The following LDB2 variants were observed in gnomAD, a reference collection of about 807,000 sequenced individuals.
LDB2 encodes the protein LIM domain binding 2, also known as LIM domain-binding protein 2.
In LDB2, 12 loss-of-function variants were observed where a neutral mutation model predicts 44.3. That is an observed-to-expected ratio of 0.27 (90% CI 0.17 to 0.44). The LOEUF (loss-of-function observed/expected upper bound fraction) is 0.44. Ranked by LOEUF, LDB2 falls within the 20% of genes least tolerant of loss-of-function variation. LDB2 has a pLI of 1.00. For synonymous variants in LDB2, 164 were observed against 174.8 expected (o/e 0.94, Z 0.49); for missense variants, 344 against 473.5 (o/e 0.73, Z 2.54).
intron 2 of LDB2, among the ~76,000 whole-genome samples, chr4:16,599,752 C>G (rs115540983): frequency 2.2e-4 from 34 of 152,314 alleles, no homozygotes; most frequent in African/African-American, 7.9e-4. Flanking sequence ...AGAAATCATT[C>G]TATTGATCAT....
intron 5 of LDB2, among the ~76,000 whole-genome samples, chr4:16,554,788 A>C (rs1464694517): frequency 6.6e-6 from 1 of 152,230 alleles, no homozygotes; most frequent in Non-Finnish European, 1.5e-5. Context: ...GAACAGGCAG[A>C]GCACACAAGA....
At chr4:16,683,907 A>G (rs1384754742) in intron 2 of LDB2, among the ~76,000 whole-genome samples, 1 of 152,236 alleles carries the variant, frequency 6.6e-6, no homozygotes, top group Non-Finnish European at 1.5e-5. Context: ...CTGGGAAAAT[A>G]GAGAAGAAGG....
At chr4:16,627,239 A>G (rs1182726076) in intron 2 of LDB2, among the ~76,000 whole-genome samples, 2 of 152,174 alleles carry the variant, frequency 1.3e-5, no homozygotes, top group African/African-American at 4.8e-5. Flanking sequence ...TATGCTTAAA[A>G]CATCTGGAAG....
chr4:16,648,173 TC>T (rs2152520773), intron 2 of LDB2, among the ~76,000 whole-genome samples: 1 of 152,336 alleles, frequency 6.6e-6, no homozygotes, highest in Admixed American at 6.5e-5. Flanking sequence ...GCAGATGTTC[TC>T]TTCTCATTTT....
intron 1 of LDB2, among the ~76,000 whole-genome samples, chr4:16,877,276 T>G (rs1718720185): frequency 6.6e-6 from 1 of 152,232 alleles, no homozygotes. Context: ...CTAAGTTGTC[T>G]TAGTTGTCTT....
At chr4:16,742,869 C>T (rs1318513913) in intron 2 of LDB2, among the ~76,000 whole-genome samples, 1 of 152,200 alleles carries the variant, frequency 6.6e-6, no homozygotes, top group East Asian at 1.9e-4. Flanking sequence ...GTTTCTACCT[C>T]ACTGCCCCTC....
At chr4:16,873,632 C>T (rs1331446845) in intron 1 of LDB2, among the ~76,000 whole-genome samples, 3 of 152,090 alleles carry the variant, frequency 2.0e-5, no homozygotes, top group African/African-American at 7.2e-5. Flanking sequence ...TTTGGCATTT[C>T]TTAATATTGT....
intron 2 of LDB2, among the ~76,000 whole-genome samples, chr4:16,693,450 G>A (rs1751339390): frequency 6.6e-6 from 1 of 150,538 alleles, no homozygotes; most frequent in African/African-American, 2.4e-5. Context: ...CCGCCTCCTG[G>A]GTTCAAACGA....
chr4:16,790,105 C>T (rs547031429), intron 1 of LDB2, among the ~76,000 whole-genome samples: 1 of 152,274 alleles, frequency 6.6e-6, no homozygotes, highest in African/African-American at 2.4e-5. Flanking sequence ...CAATGAATAA[C>T]AGTAGCCAGT....
intron 2 of LDB2, among the ~76,000 whole-genome samples, chr4:16,615,007 T>C (rs2152470774): frequency 1.4e-5 from 2 of 143,000 alleles, no homozygotes; most frequent in East Asian, 2.0e-4. Flanking sequence ...GAGGTGGAGC[T>C]TGCAGTGAGC....
intron 1 of LDB2, among the ~76,000 whole-genome samples, chr4:16,798,888 T>C (rs1173354943): frequency 6.6e-6 from 1 of 152,206 alleles, no homozygotes; most frequent in Non-Finnish European, 1.5e-5. Flanking sequence ...ACTTGCTTTG[T>C]TGCCCAGGCT....
chr4:16,503,877 G>T (rs1436859380), intron 7 of LDB2, among the ~76,000 whole-genome samples: 1 of 152,210 alleles, frequency 6.6e-6, no homozygotes, highest in African/African-American at 2.4e-5. Flanking sequence ...AGAGGCCAGG[G>T]ATGGGGAAGA....
At chr4:16,792,319 A>C (rs1260696859) in intron 1 of LDB2, among the ~76,000 whole-genome samples, 1 of 152,222 alleles carries the variant, frequency 6.6e-6, no homozygotes, top group African/African-American at 2.4e-5. Flanking sequence ...CTGTGTTTAA[A>C]GTGTTTTACA....
At chr4:16,600,894 T>G (rs1038673858) in intron 2 of LDB2, among the ~76,000 whole-genome samples, 1 of 152,034 alleles carries the variant, frequency 6.6e-6, no homozygotes, top group African/African-American at 2.4e-5. Flanking sequence ...AGCTGGGAGC[T>G]CATAAAGAAG....
Position 16,898,458 on chromosome 4 carries a change from A to G in LDB2, c.28T>C (p.Tyr10His). The change falls in exon 1 of 8, where the codon TAT becomes CAT. Residue 10 changes from tyrosine (Y) to histidine (H), a missense_variant. Transcript: ENST00000304523. ...TAAAATGGGCCGAAAGGAGAAGAAT[A>G]GAAGGGGTCATGTGGTGTGCTGGAC... is the stretch of plus-strand genomic sequence containing the variant. The part of the protein sequence containing the change: MSSTPHDPF[Y>H]SSPFGPFYRR... 2 of 1,613,784 alleles carry G rather than the reference A, an allele frequency of 1.2e-6. No individual in the cohort carries two copies. Among genetic ancestry groups the G allele is most frequent in the Non-Finnish European group, 1.7e-6 (2 of 1,179,894 alleles).
intron 1 of LDB2, among the ~76,000 whole-genome samples, chr4:16,817,280 T>C (rs1781128236): frequency 6.6e-6 from 1 of 152,218 alleles, no homozygotes; most frequent in African/African-American, 2.4e-5. Flanking sequence ...AGAGATATAA[T>C]TCCTATTCTC....
chr4:16,760,642 A>G (rs1440636747), intron 1 of LDB2, among the ~76,000 whole-genome samples: 1 of 152,176 alleles, frequency 6.6e-6, no homozygotes, highest in South Asian at 2.1e-4. Flanking sequence ...GCACAGCTGA[A>G]TAAGAGACTG....
chr4:16,628,000 G>C (rs1008832966), intron 2 of LDB2, among the ~76,000 whole-genome samples: 6 of 152,102 alleles, frequency 3.9e-5, no homozygotes, highest in African/African-American at 1.2e-4. Flanking sequence ...CACCATGCCT[G>C]CACGGTTAAA....
At chr4:16,834,750 C>T (rs1784621859) in intron 1 of LDB2, among the ~76,000 whole-genome samples, 1 of 151,918 alleles carries the variant, frequency 6.6e-6, no homozygotes, top group African/African-American at 2.4e-5. Flanking sequence ...TGGCTTGAAC[C>T]CCGGAGTCGG....
Sources: allele counts gnomAD v4.1 joint callset (sites outside exome capture counted in the v4.1 genomes callset), GRCh38; gene constraint gnomAD v4.1.1; transcripts MANE v1.5; gene names NCBI Gene and HGNC (gene_info 2026-07-23, HGNC 2026-07-21).